NRXN3: variants seen among roughly 807,000 people sequenced by gnomAD.
NRXN3 encodes neurexin III.
Under a neutral mutation model 137.6 loss-of-function variants are expected in NRXN3, and 32 were observed. That is an observed-to-expected ratio of 0.23 (90% CI 0.18 to 0.31). NRXN3 has a LOEUF of 0.31. Among genes scored for constraint, NRXN3 ranks in the 10% least tolerant of loss-of-function variants. The pLI, the probability that NRXN3 is intolerant of heterozygous loss-of-function variation, is 1.00. For missense variants in NRXN3, 1,574 were observed against 2,062.5 expected, an observed-to-expected ratio of 0.76 and a Z score of 4.59; for synonymous variants, 798 against 784.5, an observed-to-expected ratio of 1.02 and a Z score of -0.29.
chr14:79,583,276 G>A (rs563629596), intron 16 of NRXN3, among the ~76,000 whole-genome samples: 132 of 152,264 alleles, frequency 8.7e-4, no homozygotes, highest in African/African-American at 3.1e-3. Flanking sequence ...CAAGGTTGTG[G>A]GGATTTGTTG....
At chr14:79,523,208 T>C (rs1339855857) in intron 16 of NRXN3, among the ~76,000 whole-genome samples, 1 of 152,218 alleles carries the variant, frequency 6.6e-6, no homozygotes, top group East Asian at 1.9e-4. Flanking sequence ...TAATGCAATT[T>C]CAGGTAGCCA....
intron 15 of NRXN3, among the ~76,000 whole-genome samples, chr14:79,069,214 A>G (rs1489825683): frequency 6.6e-6 from 1 of 152,110 alleles, no homozygotes; most frequent in East Asian, 1.9e-4. Context: ...TGAGAAGTTT[A>G]TACCTGACCA....
At chr14:79,783,640 G>C (rs2099120690) in intron 19 of NRXN3, among the ~76,000 whole-genome samples, 1 of 152,164 alleles carries the variant, frequency 6.6e-6, no homozygotes, top group Non-Finnish European at 1.5e-5. Flanking sequence ...AACAAGCTTT[G>C]AGTAACTTTT....
rs143160204 is a variant in NRXN3, at chr14:79,277,159, C to T, written c.3263-190062C>T. 2.6e-3 allele frequency among the ~76,000 whole-genome samples: 397 copies of T among 152,058 alleles called. 2 individuals are homozygous for T. The highest frequency in any genetic ancestry group is 8.9e-3 in the African/African-American group (369 of 41,476). ...TGAGGAGGTGACATTTGAAATGCAC[C>T]CATCACATGAAAATCTTGGGGAAAA... On this transcript the variant is annotated intron_variant, in intron 15 of 20. Coordinates refer to ENST00000335750, the MANE Select transcript of NRXN3 (RefSeq NM_001330195.2).
At chr14:79,167,624 TTTG>T (rs2061394826) in intron 15 of NRXN3, among the ~76,000 whole-genome samples, 2 of 142,732 alleles carry the variant, frequency 1.4e-5, no homozygotes, top group South Asian at 4.5e-4. Context: ...CCTACCAGGT[TTTG>T]TTGTTATTTT....
At chr14:79,673,111 T>C (rs1236676456) in intron 17 of NRXN3, among the ~76,000 whole-genome samples, 2 of 151,998 alleles carry the variant, frequency 1.3e-5, no homozygotes, top group Non-Finnish European at 2.9e-5. Context: ...AAAATCCCTG[T>C]CAATATCCTA....
chr14:79,316,339 C>A (rs1373979864), intron 15 of NRXN3, among the ~76,000 whole-genome samples: 1 of 152,138 alleles, frequency 6.6e-6, no homozygotes, highest in East Asian at 1.9e-4. Flanking sequence ...TAGGTCTCAG[C>A]TGTGGAGATT....
intron 16 of NRXN3, among the ~76,000 whole-genome samples, chr14:79,619,897 T>C (rs1567684159): frequency 6.6e-6 from 1 of 152,126 alleles, no homozygotes; most frequent in East Asian, 1.9e-4. Context: ...TTAGAAGTTA[T>C]TCACAGAAAC....
intron 4 of NRXN3, among the ~76,000 whole-genome samples, chr14:78,402,605 A>G (rs897311381): frequency 2.0e-5 from 3 of 152,198 alleles, no homozygotes; most frequent in Non-Finnish European, 4.4e-5. Context: ...TAAACAGTTT[A>G]GGGTCTACTC....
At chr14:79,021,487 C>T (rs193020645) in intron 15 of NRXN3, among the ~76,000 whole-genome samples, 1 of 152,222 alleles carries the variant, frequency 6.6e-6, no homozygotes, top group East Asian at 1.9e-4. Context: ...TTCAAAAAAT[C>T]CAATTCTACT....
chr14:78,847,232 T>C (rs1257402875), intron 10 of NRXN3, among the ~76,000 whole-genome samples: 1 of 152,074 alleles, frequency 6.6e-6, no homozygotes, highest in Non-Finnish European at 1.5e-5. Context: ...AATGACCATC[T>C]GGTAAAGGTG....
chr14:79,262,155 A>T (rs1240076371), intron 15 of NRXN3, among the ~76,000 whole-genome samples: 1 of 152,104 alleles, frequency 6.6e-6, no homozygotes, highest in Non-Finnish European at 1.5e-5. Context: ...ATTAGTCTGA[A>T]TTTCATGAAA....
At chr14:78,689,617 G>A (rs2098152480) in intron 6 of NRXN3, among the ~76,000 whole-genome samples, 1 of 152,134 alleles carries the variant, frequency 6.6e-6, no homozygotes, top group Non-Finnish European at 1.5e-5. Flanking sequence ...TTCTATTTAG[G>A]TTAGTTGGCT....
At chr14:79,704,239 A>G (rs1000912997) in intron 19 of NRXN3, among the ~76,000 whole-genome samples, 1 of 152,174 alleles carries the variant, frequency 6.6e-6, no homozygotes, top group African/African-American at 2.4e-5. Context: ...ACGATGACAC[A>G]CAGATTTACA....
intron 8 of NRXN3, among the ~76,000 whole-genome samples, chr14:78,746,090 A>C (rs780247062): frequency 6.6e-6 from 1 of 152,240 alleles, no homozygotes; most frequent in Non-Finnish European, 1.5e-5. Flanking sequence ...ACATTCTGCA[A>C]AAGGACTGGT....
intron 4 of NRXN3, among the ~76,000 whole-genome samples, chr14:78,361,685 A>T (rs1355260822): frequency 6.6e-6 from 1 of 152,228 alleles, no homozygotes; most frequent in Non-Finnish European, 1.5e-5. Context: ...ACTGTTGTGA[A>T]GTCAAGAATA....
In NRXN3 at chr14:78,704,566, G is replaced by A. The variant is rs151231057; in HGVS notation, c.1222-4651G>A. 5.3e-5 allele frequency among the ~76,000 whole-genome samples: 8 copies of A among 152,262 alleles called. No homozygotes were observed. In the East Asian group the frequency reaches 1.5e-3, roughly 29 times the overall value. On this transcript the variant is annotated intron_variant, in intron 6 of 20. Coordinates refer to ENST00000335750, the MANE Select transcript of NRXN3 (RefSeq NM_001330195.2). ...GCTTTGCACATCAAGATGGACTTGG[G>A]TGTGGTTTTTGTGCGTGACTAAGGG...
chr14:78,451,144 T>A (rs1324947726), intron 4 of NRXN3, among the ~76,000 whole-genome samples: 2 of 152,130 alleles, frequency 1.3e-5, no homozygotes, highest in East Asian at 3.9e-4. Flanking sequence ...CATGTGAGGT[T>A]GAGTAACTCA....
intron 15 of NRXN3, among the ~76,000 whole-genome samples, chr14:79,448,344 T>C (rs1201373875): frequency 6.6e-6 from 1 of 152,170 alleles, no homozygotes; most frequent in Admixed American, 6.5e-5. Flanking sequence ...GACTACCCCT[T>C]GTCATGCTTT....
Sources: gnomAD v4.1 joint callset for allele counts (sites outside exome capture counted in the v4.1 genomes callset) on GRCh38, gnomAD v4.1.1 for gene constraint, MANE v1.5 for transcripts, NCBI Gene and HGNC (gene_info 2026-07-23, HGNC 2026-07-21) for gene names.